The following PPM1G variants were observed in gnomAD, a reference collection of about 807,000 sequenced individuals.
PPM1G encodes the protein protein phosphatase, Mg2+/Mn2+ dependent 1G.
A neutral mutation model predicts 59.4 loss-of-function variants in PPM1G; 12 were observed. The observed-to-expected ratio is 0.20, with a 90% CI of 0.13 to 0.33. PPM1G has a LOEUF of 0.33. Among genes scored for constraint, PPM1G ranks in the 10% least tolerant of loss-of-function variants. The pLI, the probability that PPM1G is intolerant of heterozygous loss-of-function variation, is 1.00. For missense variants in PPM1G, 392 were observed against 681.3 expected (o/e 0.58, Z 4.73); for synonymous variants, 245 against 251.9 (o/e 0.97, Z 0.26).
chr2:27,392,919 C>T, intron 1 of PPM1G: 1 of 1,424,664 alleles, frequency 7.0e-7, no homozygotes. Context: ...CTTGTTCATT[C>T]AGGTAATGTG....
chr2:27,407,989 G>A (rs1663420720), intron 1 of PPM1G, among the ~76,000 whole-genome samples: 4 of 151,990 alleles, frequency 2.6e-5, no homozygotes, highest in Non-Finnish European at 5.9e-5. Flanking sequence ...GGAGGTTGCG[G>A]TGAGCCGAGA....
In PPM1G at chr2:27,395,489, G is replaced by A. The variant is rs530679258; in HGVS notation, c.121-8331C>T. Among the ~76,000 whole-genome samples the A allele has an allele frequency of 4.0e-4, 61 of 151,392 alleles. No homozygotes were observed. In the South Asian group the frequency reaches 5.0e-3, roughly 12 times the overall value. On this transcript the variant is annotated intron_variant, in intron 1 of 9. Coordinates refer to ENST00000344034, the MANE Select transcript of PPM1G (RefSeq NM_177983.3). ...GGTTGCAGTGAGCTGAGATCATGCC[G>A]CTGCACTCCAGCCTGGGCAATAGAG...
In PPM1G at chr2:27,385,165, C is replaced by T; in HGVS notation, c.410-77G>A. 2 of 1,476,092 alleles carry T rather than the reference C, an allele frequency of 1.4e-6. No individual in the cohort carries two copies. The highest frequency in any genetic ancestry group is 9.0e-7 in the Non-Finnish European group (1 of 1,112,822). 91.4% of individuals were successfully genotyped at this position (1,476,092 alleles called of 1,614,324 possible). ...CCGTCCCTCTCACTACCTCAACAGC[C>T]CTTGCAGCCTCTAACTTCCCCACAA... is the stretch of plus-strand genomic sequence containing the variant. On this transcript the variant is annotated intron_variant, in intron 4 of 9. Coordinates refer to ENST00000344034, the MANE Select transcript of PPM1G (RefSeq NM_177983.3). This position sits in a 1 kb window ranked among gnomAD's most constrained non-coding sequence, Gnocchi z 4.1.
chr2:27,387,249 C>T, intron 1 of PPM1G, 91 bp from the exon 2 acceptor site: 1 of 1,005,214 alleles, frequency 9.9e-7, no homozygotes. Flanking sequence ...CTAACCTTTC[C>T]CTGGCTGGCC....
Position 27,384,543 on chromosome 2 carries a change from GCTT to G in PPM1G, c.825+127_825+129del. Reference sequence around the variant, plus strand: ...GGAGCTCAATGAATTCAAGACTAAAGCTTAGAATACAGTGGGTCTTGGGGGATG... The same window carrying G: ...GGAGCTCAATGAATTCAAGACTAAAGAGAATACAGTGGGTCTTGGGGGATG... On this transcript the variant is annotated intron_variant, in intron 5 of 9. Coordinates refer to ENST00000344034, the MANE Select transcript of PPM1G (RefSeq NM_177983.3). This position sits in a 1 kb window ranked among gnomAD's most constrained non-coding sequence, Gnocchi z 4.8. 1 of 1,171,962 alleles carries G rather than the reference GCTT, an allele frequency of 8.5e-7. No homozygotes were observed. 72.6% of individuals were successfully genotyped at this position (1,171,962 alleles called of 1,614,324 possible).
chr2:27,397,668 A>G (rs1684084645), intron 1 of PPM1G, among the ~76,000 whole-genome samples: 1 of 152,206 alleles, frequency 6.6e-6, no homozygotes, highest in Non-Finnish European at 1.5e-5. Context: ...ACTCAATGCC[A>G]GTCTGGGCAA....
rs761953110 is a variant in PPM1G at position 27,382,541 on chromosome 2, A to G, written c.1266T>C (p.Pro422=). ...CAGTGAGAGTCAGCACCTTGATGTC[A>G]GGAAGGGCTGAAATCATCTGTTCCT... ...PPEEQMISAL[P]DIKVLTLTDD... is the part of the protein sequence containing the mutation. The change falls in exon 8 of 10, where the codon CCT becomes CCC. Residue 422 remains proline, a synonymous_variant. Transcript: ENST00000344034. The surrounding 1 kb of genome is among the most constrained non-coding windows in gnomAD (Gnocchi z 4.2). The G allele has an allele frequency of 2.5e-6, 4 of 1,614,242 alleles. No homozygotes were observed. The highest frequency in any genetic ancestry group is 3.4e-6 in the Non-Finnish European group (4 of 1,180,036).
intron 1 of PPM1G, among the ~76,000 whole-genome samples, chr2:27,396,737 C>T (rs1022754054): frequency 6.7e-6 from 1 of 148,244 alleles, no homozygotes; most frequent in African/African-American, 2.5e-5. Context: ...ATCTCTTGAG[C>T]CCAGGTGGCA....
intron 1 of PPM1G, among the ~76,000 whole-genome samples, chr2:27,407,215 C>T (rs1663403468): frequency 1.3e-5 from 2 of 151,942 alleles, no homozygotes; most frequent in Non-Finnish European, 2.9e-5. Context: ...ATCCGCCCGC[C>T]GCAGCCTCCC....
chr2:27,399,146 AAACAAC>A (rs142026887), intron 1 of PPM1G, among the ~76,000 whole-genome samples: 8 of 150,468 alleles, frequency 5.3e-5, no homozygotes, highest in African/African-American at 1.2e-4. Flanking sequence ...CCCCCGACCA[AAACAAC>A]AACAACAACA....
intron 2 of PPM1G, 80 bp from the exon 3 acceptor site, chr2:27,386,359 G>A (rs1683762235): frequency 1.9e-6 from 2 of 1,030,644 alleles, no homozygotes; most frequent in Non-Finnish European, 3.0e-6. Flanking sequence ...ATGCCATACT[G>A]GAGTGAACCC....
intron 1 of PPM1G, among the ~76,000 whole-genome samples, chr2:27,397,151 G>A (rs1010282013): frequency 6.6e-6 from 1 of 151,922 alleles, no homozygotes; most frequent in African/African-American, 2.4e-5. Context: ...TTACAGGCGT[G>A]AGCCACCATG....
intron 1 of PPM1G, among the ~76,000 whole-genome samples, chr2:27,395,457 A>C (rs926398214): frequency 1.3e-5 from 2 of 152,064 alleles, no homozygotes; most frequent in Admixed American, 6.6e-5. Context: ...TGAACCTGGG[A>C]GGCGGAGGTT....
intron 1 of PPM1G, among the ~76,000 whole-genome samples, chr2:27,392,129 T>TA (rs1158886083): frequency 1.3e-5 from 2 of 151,936 alleles, no homozygotes; most frequent in Non-Finnish European, 2.9e-5. Context: ...CTACAGGTCT[T>TA]ATTTCTGTAA....
At chr2:27,404,628 G>A (rs369657539) in intron 1 of PPM1G, among the ~76,000 whole-genome samples, 1 of 151,320 alleles carries the variant, frequency 6.6e-6, no homozygotes, top group East Asian at 2.0e-4. Context: ...AATATTAAAT[G>A]TACTCTTGTC....
intron 1 of PPM1G, among the ~76,000 whole-genome samples, chr2:27,406,384 G>A (rs1237165369): frequency 6.6e-6 from 1 of 152,156 alleles, no homozygotes; most frequent in East Asian, 1.9e-4. Flanking sequence ...GAGAAAAAAA[G>A]CCAGAAGGAA....
intron 1 of PPM1G, among the ~76,000 whole-genome samples, chr2:27,393,597 T>G (rs1033493721): frequency 2.6e-5 from 4 of 152,062 alleles, no homozygotes; most frequent in African/African-American, 9.7e-5. Flanking sequence ...TTATCATATT[T>G]TTTTCTGAGA....
intron 1 of PPM1G, among the ~76,000 whole-genome samples, chr2:27,397,949 C>T (rs544360525): frequency 5.9e-5 from 9 of 152,182 alleles, no homozygotes; most frequent in African/African-American, 2.2e-4. Flanking sequence ...CTATGAAAAA[C>T]TCAGTCAGCC....
chr2:27,384,835 C>T lies in PPM1G; in HGVS notation c.663G>A (p.Gly221=). ...GCTCACCAACTTGGCCTGCCTCAGTCCCACGTTCCGAGTTGGAGGAAAAGC... is the reference window on the plus strand; with the variant it reads ...GCTCACCAACTTGGCCTGCCTCAGTTCCACGTTCCGAGTTGGAGGAAAAGC... The part of the protein sequence containing the change: ...YTGFSSNSER[G]TEAGQVGEPG... The change falls in exon 5 of 10, where the codon GGG becomes GGA. Residue 221 remains glycine, a synonymous_variant. Coordinates refer to ENST00000344034, the MANE Select transcript of PPM1G (RefSeq NM_177983.3). The surrounding 1 kb of genome is among the most constrained non-coding windows in gnomAD (Gnocchi z 4.8). 6.2e-7 allele frequency: 1 copy of T among 1,614,240 alleles called. No homozygotes were observed. The highest frequency in any genetic ancestry group is 8.5e-7 in the Non-Finnish European group (1 of 1,180,050).
Sources: gnomAD v4.1 joint callset for allele counts (sites outside exome capture counted in the v4.1 genomes callset) on GRCh38, gnomAD v4.1.1 for gene constraint, Gnocchi (gnomAD v3.1) non-coding constraint, MANE v1.5 for transcripts, NCBI Gene and HGNC (gene_info 2026-07-23, HGNC 2026-07-21) for gene names.